Variants in DDA1 observed in about 807,000 individuals in gnomAD.
DDA1 encodes DET1- and DDB1-associated protein 1.
Under a neutral mutation model 18.6 loss-of-function variants are expected in DDA1, and 3 were observed. The observed-to-expected ratio is 0.16, with a 90% CI of 0.07 to 0.42. The LOEUF is 0.42. DDA1 is among the 10% of genes least tolerant of loss of function. The pLI, the probability that DDA1 is intolerant of heterozygous loss-of-function variation, is 0.99. For synonymous variants in DDA1, 52 were observed against 54.0 expected (o/e 0.96, Z 0.17); for missense variants, 105 against 138.2 (o/e 0.76, Z 1.20).
intron 3 of DDA1, among the ~76,000 whole-genome samples, chr19:17,315,550 C>T (rs2074209108): frequency 1.3e-5 from 2 of 151,236 alleles, no homozygotes; most frequent in African/African-American, 4.9e-5. Flanking sequence ...TTATTCCAGC[C>T]TGGGTGACAA....
chr19:17,315,677 C>T, intron 3 of DDA1: 1 of 560,166 alleles, frequency 1.8e-6, no homozygotes, highest in Non-Finnish European at 3.2e-6. Flanking sequence ...GAAACATAGG[C>T]ATGAGAGTCT....
chr19:17,323,263 A>G lies in DDA1; in HGVS notation c.*3607A>G. 1 of 270,586 alleles carries G rather than the reference A, an allele frequency of 3.7e-6. No homozygotes were observed. The highest frequency in any genetic ancestry group is 6.9e-6 in the Non-Finnish European group (1 of 144,316). 16.8% of individuals were successfully genotyped at this position (270,586 alleles called of 1,614,324 possible). ...GTTTTTATTGCATTTCTGCCGTTTT[A>G]CAAAAATATGACAAAATAAATTAAA... On this transcript the variant is annotated 3_prime_UTR_variant, in exon 5 of 5. Transcript: ENST00000359866.
chr19:17,319,718 C>A lies in DDA1; in HGVS notation c.*62C>A. The A allele has an allele frequency of 6.7e-7, 1 of 1,483,164 alleles. No homozygotes were observed. Among genetic ancestry groups the A allele is most frequent in the Non-Finnish European group, 9.2e-7 (1 of 1,091,272 alleles). 91.9% of individuals were successfully genotyped at this position (1,483,164 alleles called of 1,614,324 possible). ...CTCCTCGGTCGCCCACCCGCCTGCC[C>A]GCCATGTGTAAGCACCCCGCCCGCC... On this transcript the variant is annotated 3_prime_UTR_variant, in exon 5 of 5. Transcript: ENST00000359866.
chr19:17,312,596 C>T (rs2074184380), intron 1 of DDA1, among the ~76,000 whole-genome samples: 1 of 152,154 alleles, frequency 6.6e-6, no homozygotes, highest in South Asian at 2.1e-4. Flanking sequence ...GTCTGGGCAG[C>T]CCTCCTTTAT....
At chr19:17,311,864 GC>G (rs1280623063) in intron 1 of DDA1, among the ~76,000 whole-genome samples, 1 of 152,122 alleles carries the variant, frequency 6.6e-6, no homozygotes, top group Non-Finnish European at 1.5e-5. Context: ...ACCTGTGAGG[GC>G]CCAGCCGTGG....
intron 3 of DDA1, among the ~76,000 whole-genome samples, chr19:17,315,280 C>T (rs60736155): frequency 0.034 from 808 of 23,840 alleles, 111 homozygotes; most frequent in Middle Eastern, 0.06. Flanking sequence ...CGTGTATATA[C>T]ACACACTATA....
chr19:17,316,994 A>G (rs577045203), intron 4 of DDA1, among the ~76,000 whole-genome samples: 6 of 152,338 alleles, frequency 3.9e-5, no homozygotes, highest in Non-Finnish European at 5.9e-5. Context: ...TGGGAGGCCT[A>G]CGCAGGCGGA....
intron 4 of DDA1, 101 bp downstream of exon 4, chr19:17,316,096 G>T: frequency 7.4e-7 from 1 of 1,344,792 alleles, no homozygotes; most frequent in Admixed American, 1.7e-5. Context: ...GATTGGAGCA[G>T]GGCCTTGAGG....
rs567807063 is a variant in DDA1 at position 17,311,543 on chromosome 19, C to T, written c.3+1886C>T. 7.2e-5 allele frequency among the ~76,000 whole-genome samples: 11 copies of T among 152,344 alleles called. No individual in the cohort carries two copies. In the South Asian group the frequency reaches 1.2e-3, roughly 17 times the overall value. On this transcript the variant is annotated intron_variant, in intron 1 of 4. Coordinates refer to ENST00000359866, the MANE Select transcript of DDA1 (RefSeq NM_024050.6). ...AACCCTGGCGGCTCCCCTCCTCACC[C>T]TGAGGCCCCTGGCCACCTCTATGAC...
chr19:17,323,247 G>A lies in DDA1; in HGVS notation c.*3591G>A, dbSNP rs1010792383. Reference sequence around the variant, plus strand: ...GCACTGTTGAAATATAGTTTTTATTGCATTTCTGCCGTTTTACAAAAATAT... The same window carrying A: ...GCACTGTTGAAATATAGTTTTTATTACATTTCTGCCGTTTTACAAAAATAT... On this transcript the variant is annotated 3_prime_UTR_variant, in exon 5 of 5. Coordinates refer to ENST00000359866, the MANE Select transcript of DDA1 (RefSeq NM_024050.6). The A allele has an allele frequency of 7.0e-5, 16 of 227,430 alleles. No individual in the cohort carries two copies. The highest frequency in any genetic ancestry group is 3.5e-4 in the Admixed American group (6 of 17,328). 14.1% of individuals were successfully genotyped at this position (227,430 alleles called of 1,614,324 possible). A position where few individuals can be genotyped will look rare whatever the true frequency, so the allele number is the denominator to read the frequency against.
At chr19:17,310,792 GTC>G (rs530774026) in intron 1 of DDA1, among the ~76,000 whole-genome samples, 272 of 151,928 alleles carry the variant, frequency 1.8e-3, no homozygotes, top group Non-Finnish European at 3.2e-3. Context: ...GGATTAGATT[GTC>G]TCTGCCTTCT....
Position 17,322,289 on chromosome 19 carries a change from C to G in DDA1, c.*2633C>G, listed in dbSNP as rs2074243698. 2 of 153,192 alleles carry G rather than the reference C, an allele frequency of 1.3e-5. No homozygotes were observed. The highest frequency in any genetic ancestry group is 4.8e-5 in the African/African-American group (2 of 41,458). The allele number at this position is 153,192 out of a possible 1,614,324, so 9.5% of individuals were successfully genotyped here. A position where few individuals can be genotyped will look rare whatever the true frequency, so the allele number is the denominator to read the frequency against. On this transcript the variant is annotated 3_prime_UTR_variant, in exon 5 of 5. Coordinates refer to ENST00000359866, the MANE Select transcript of DDA1 (RefSeq NM_024050.6). ...CTCCCTGTGGCCTCCCCCTAGAACC[C>G]CTGGGTCTGTCGGGACATGCCCCAC...
chr19:17,316,570 A>AACT (rs2074214100), intron 4 of DDA1, among the ~76,000 whole-genome samples: 2 of 150,168 alleles, frequency 1.3e-5, no homozygotes, highest in Non-Finnish European at 2.9e-5. Context: ...ACAGAGCAAG[A>AACT]CTGTCTCAAG....
chr19:17,317,887 G>C lies in DDA1; in HGVS notation c.199-1659G>C, dbSNP rs575932309. 8.6e-5 allele frequency among the ~76,000 whole-genome samples: 13 copies of C among 151,390 alleles called. 1 individual carries two copies. In the South Asian group the frequency reaches 2.7e-3, roughly 31 times the overall value. On this transcript the variant is annotated intron_variant, in intron 4 of 4. Transcript: ENST00000359866. ...TAGTTGCAGCGAAGAGTCATCTCCC[G>C]CCTCCCGCTTCTGGTGCCCCAGCTC...
intron 1 of DDA1, among the ~76,000 whole-genome samples, chr19:17,309,964 C>T (rs895291571): frequency 6.6e-6 from 1 of 152,080 alleles, no homozygotes; most frequent in East Asian, 1.9e-4. Flanking sequence ...CCCGTAAGAC[C>T]CCCTGGTCTG....
intron 3 of DDA1, among the ~76,000 whole-genome samples, chr19:17,315,434 A>G (rs1394753401): frequency 0.036 from 4,240 of 118,084 alleles, 203 homozygotes; most frequent in Non-Finnish European, 0.053. Flanking sequence ...GTGTGCATAT[A>G]TATATATATA....
rs1300020182 is a variant in DDA1 at position 17,314,434 on chromosome 19, C to T, written c.136+45C>T. On this transcript the variant is annotated intron_variant, in intron 3 of 4. Coordinates refer to ENST00000359866, the MANE Select transcript of DDA1 (RefSeq NM_024050.6). The surrounding 1 kb of genome is among the most constrained non-coding windows in gnomAD (Gnocchi z 4.6). ...CTGTCCCATTCTGGCTGCTGAGGGG[C>T]GGGGTTTGGTGACTGCAGCGTGGCA... 1.4e-5 allele frequency: 22 copies of T among 1,613,188 alleles called. No homozygotes were observed. The highest frequency in any genetic ancestry group is 1.7e-4 in the Middle Eastern group (1 of 6,050).
rs1319891355 is a variant in DDA1 at position 17,321,609 on chromosome 19, G to T, written c.*1953G>T. On this transcript the variant is annotated 3_prime_UTR_variant, in exon 5 of 5. Transcript: ENST00000359866. Reference sequence around the variant, plus strand: ...AGTCTGAGGGCGTTGGGATGGTGTAGGGTTGGGCCACAGAGCTAGCAGACA... The same window carrying T: ...AGTCTGAGGGCGTTGGGATGGTGTATGGTTGGGCCACAGAGCTAGCAGACA... The T allele has an allele frequency of 1.3e-5, 2 of 152,440 alleles. No homozygotes were observed. The highest frequency in any genetic ancestry group is 2.4e-5 in the African/African-American group (1 of 41,454). 9.4% of individuals were successfully genotyped at this position (152,440 alleles called of 1,614,324 possible).
chr19:17,313,704 A>G (rs1367312823), intron 1 of DDA1, among the ~76,000 whole-genome samples: 1 of 152,078 alleles, frequency 6.6e-6, no homozygotes, highest in African/African-American at 2.4e-5. Context: ...CGGCCTCCCA[A>G]AGTGCTGGGA....
Sources: gnomAD v4.1 joint callset for allele counts (sites outside exome capture counted in the v4.1 genomes callset) on GRCh38, gnomAD v4.1.1 for gene constraint, Gnocchi (gnomAD v3.1) non-coding constraint, MANE v1.5 for transcripts, NCBI Gene and HGNC (gene_info 2026-07-23, HGNC 2026-07-21) for gene names.